ZFHX3: variants seen among roughly 807,000 people sequenced by gnomAD.
ZFHX3 encodes zinc finger homeobox protein 3.
A neutral mutation model predicts 279.1 loss-of-function variants in ZFHX3; 42 were observed. The ratio of observed to expected loss-of-function variants is 0.15; its 90% confidence interval spans 0.12 to 0.19. The LOEUF (loss-of-function observed/expected upper bound fraction) is 0.19, where lower values mean the gene tolerates loss of function less well. ZFHX3 is among the 10% of genes least tolerant of loss of function. The probability of loss-of-function intolerance (pLI) is 1.00; values close to 1 mark genes in which losing one functional copy is unlikely to be tolerated. For missense variants in ZFHX3, 4,981 were observed against 4,754.0 expected (o/e 1.05, Z -1.40); for synonymous variants, 2,293 against 1,957.8 (o/e 1.17, Z -4.52).
At chr16:73,318,728 G>A (rs898975072) in intron 3 of ZFHX3, among the ~76,000 whole-genome samples, 1 of 152,100 alleles carries the variant, frequency 6.6e-6, no homozygotes, top group African/African-American at 2.4e-5. Flanking sequence ...GTACAGCTTC[G>A]CGGTGTCATT....
chr16:73,209,043 G>A (rs995643807), intron 5 of ZFHX3, among the ~76,000 whole-genome samples: 2 of 151,998 alleles, frequency 1.3e-5, no homozygotes, highest in Admixed American at 6.6e-5. Context: ...AGGAAGAAAT[G>A]GCCACTTATA....
rs1199043735 is a variant in ZFHX3 at position 72,948,784 on chromosome 16, G to C, written c.3216+1685C>G. 7.2e-5 allele frequency among the ~76,000 whole-genome samples: 11 copies of C among 152,216 alleles called. No homozygotes were observed. The East Asian group carries it at 2.1e-3, about 29-fold the overall frequency. On this transcript the variant is annotated intron_variant, in intron 3 of 9. Transcript: ENST00000268489. ...GAGTCCTTTGTACAAATTTTACTCA[G>C]TTGGGTCCTTTGGAAATTCTTTTTT...
At chr16:73,865,121 G>C (rs1405094557) in intron 1 of ZFHX3, among the ~76,000 whole-genome samples, 1 of 152,204 alleles carries the variant, frequency 6.6e-6, no homozygotes, top group Non-Finnish European at 1.5e-5. Flanking sequence ...CACAGCTGAG[G>C]TCCCAGAAAA....
Position 73,682,991 on chromosome 16 carries a change from A to AAAGAAAGAAAGAAAGAAAGAAAG in ZFHX3, c.-1607-2752_-1607-2751insCTTTCTTTCTTTCTTTCTTTCTT, listed in dbSNP as rs1555532226. On this transcript the variant is annotated intron_variant, in intron 1 of 17. Transcript: ENST00000641206. ...GAAAGAAAGAAAGAAAGAAAGAAAGAAAAGAAAGAAAGAAAGAAAGAGAAA... is the reference window on the plus strand; with the variant it reads ...GAAAGAAAGAAAGAAAGAAAGAAAGAAAGAAAGAAAGAAAGAAAGAAAGAAAGAAAGAAAGAAAGAAAGAGAAA... 1.1e-3 allele frequency among the ~76,000 whole-genome samples: 45 copies of AAAGAAAGAAAGAAAGAAAGAAAG among 42,420 alleles called. 4 individuals are homozygous for AAAGAAAGAAAGAAAGAAAGAAAG. Among genetic ancestry groups the AAAGAAAGAAAGAAAGAAAGAAAG allele is most frequent in the African/African-American group, 3.2e-3 (42 of 13,242 alleles). 27.8% of individuals were successfully genotyped at this position (42,420 alleles called of 152,430 possible). A position where few individuals can be genotyped will look rare whatever the true frequency, so the allele number is the denominator to read the frequency against.
intron 2 of ZFHX3, chr16:73,499,602 C>A (rs577679513): frequency 6.6e-6 from 1 of 152,062 alleles, no homozygotes; most frequent in Non-Finnish European, 1.5e-5. Flanking sequence ...ACACTAGAAC[C>A]AATGAAAGCA....
At chr16:73,868,205 T>G (rs1277253172) in intron 1 of ZFHX3, among the ~76,000 whole-genome samples, 1 of 152,202 alleles carries the variant, frequency 6.6e-6, no homozygotes, top group Non-Finnish European at 1.5e-5. Flanking sequence ...ATCTACAGTG[T>G]CCACATCACC....
chr16:73,537,422 T>A (rs1317741931), intron 2 of ZFHX3, among the ~76,000 whole-genome samples: 1 of 150,816 alleles, frequency 6.6e-6, no homozygotes, highest in African/African-American at 2.4e-5. Context: ...GTTCAAGTGA[T>A]TCGCCTGTCT....
intron 1 of ZFHX3, chr16:73,016,062 TTCTC>T (rs1431151339): frequency 6.6e-6 from 1 of 152,218 alleles, no homozygotes; most frequent in Non-Finnish European, 1.5e-5. Context: ...AAGAATAGTC[TTCTC>T]TCTTACGCAA....
intron 4 of ZFHX3, among the ~76,000 whole-genome samples, chr16:73,295,496 G>A (rs72797382): frequency 0.024 from 3,722 of 152,336 alleles, 53 homozygotes; most frequent in South Asian, 0.063. Flanking sequence ...TGAGAATTAA[G>A]CTCCAACTAC....
intron 3 of ZFHX3, among the ~76,000 whole-genome samples, chr16:73,445,207 T>A (rs1179119552): frequency 6.6e-6 from 1 of 151,806 alleles, no homozygotes; most frequent in Admixed American, 6.6e-5. Flanking sequence ...TGTATATACA[T>A]AATTCGAATA....
chr16:73,651,933 A>G (rs545565350), intron 2 of ZFHX3, among the ~76,000 whole-genome samples: 6 of 152,154 alleles, frequency 3.9e-5, no homozygotes, highest in Non-Finnish European at 8.8e-5. Context: ...AGACAGTAGA[A>G]TTAATCTTCA....
intron 4 of ZFHX3, among the ~76,000 whole-genome samples, chr16:72,872,971 T>G (rs1001345891): frequency 2.0e-5 from 3 of 152,102 alleles, no homozygotes; most frequent in Non-Finnish European, 4.4e-5. Context: ...CAGCCTGGGG[T>G]CTTCTTCCTC....
intron 3 of ZFHX3, among the ~76,000 whole-genome samples, chr16:73,379,269 C>G (rs2143363311): frequency 6.6e-6 from 1 of 152,158 alleles, no homozygotes; most frequent in African/African-American, 2.4e-5. Context: ...GGTAAGCAGC[C>G]ATTATTGGGT....
rs189523447 is a variant in ZFHX3 at position 73,131,007 on chromosome 16, T to C, written c.-936A>G. The C allele has an allele frequency of 3.1e-4, 403 of 1,305,346 alleles. No homozygotes were observed. In the African/African-American group the frequency reaches 5.7e-3, roughly 18 times the overall value. 80.9% of individuals were successfully genotyped at this position (1,305,346 alleles called of 1,614,324 possible). A position where few individuals can be genotyped will look rare whatever the true frequency, so the allele number is the denominator to read the frequency against. ...CGCTTTGTGCCTGAGCTGGTGGCGC[T>C]GGTTCTGGAGTTAGACCCCCTGGGC... On this transcript the variant is annotated 5_prime_UTR_variant, in exon 7 of 18. Coordinates refer to the ZFHX3 transcript ENST00000641206.
chr16:73,595,592 T>C (rs1049846602), intron 2 of ZFHX3, among the ~76,000 whole-genome samples: 2 of 152,226 alleles, frequency 1.3e-5, no homozygotes, highest in African/African-American at 4.8e-5. Context: ...ACTCTCTGGG[T>C]GTGATACATC....
chr16:73,736,421 C>T (rs529670441), intron 1 of ZFHX3, among the ~76,000 whole-genome samples: 3 of 152,344 alleles, frequency 2.0e-5, no homozygotes, highest in African/African-American at 7.2e-5. Context: ...CTTGAAACAT[C>T]ATCCTCATTC....
chr16:73,685,475 C>T (rs958506817), intron 1 of ZFHX3, among the ~76,000 whole-genome samples: 2 of 152,160 alleles, frequency 1.3e-5, no homozygotes, highest in Admixed American at 6.5e-5. Flanking sequence ...GGTGAGAAGG[C>T]GAATTCCCCC....
At chr16:73,555,321 AT>A (rs1217847205) in intron 2 of ZFHX3, among the ~76,000 whole-genome samples, 1 of 151,874 alleles carries the variant, frequency 6.6e-6, no homozygotes, top group Non-Finnish European at 1.5e-5. Flanking sequence ...CACCCGGCTA[AT>A]TTTTTGTATT....
At chr16:73,770,226 T>C (rs992279017) in intron 1 of ZFHX3, among the ~76,000 whole-genome samples, 1 of 151,984 alleles carries the variant, frequency 6.6e-6, no homozygotes, top group Non-Finnish European at 1.5e-5. Flanking sequence ...AGAGTCAGAG[T>C]GATGTAATGT....
Sources: gnomAD v4.1 joint callset for allele counts (sites outside exome capture counted in the v4.1 genomes callset) on GRCh38, gnomAD v4.1.1 for gene constraint, MANE v1.5 for transcripts, NCBI Gene and HGNC (gene_info 2026-07-23, HGNC 2026-07-21) for gene names.